ZNF676: variants seen among roughly 807,000 people sequenced by gnomAD.
The protein encoded by ZNF676 is zinc finger protein 676.
In ZNF676, 4 loss-of-function variants were observed where a neutral mutation model predicts 6.0. That is an observed-to-expected ratio of 0.67 (90% confidence interval 0.33 to 1.53). The LOEUF (loss-of-function observed/expected upper bound fraction) is 1.53. Among genes scored for constraint, ZNF676 ranks in the 40% most tolerant of loss-of-function variants. ZNF676 has a pLI of 0.06. For missense variants in ZNF676, 644 were observed against 679.7 expected (o/e 0.95, Z 0.58); for synonymous variants, 198 against 223.1 (o/e 0.89, Z 1.00).
chr19:22,206,310 CA>C (rs1243203149), intron 1 of ZNF676, among the ~76,000 whole-genome samples: 20 of 152,196 alleles, frequency 1.3e-4, no homozygotes, highest in African/African-American at 4.8e-4. Flanking sequence ...ATTCTGATAC[CA>C]AAACCTAACA....
rs149238067 is a variant in ZNF676 at position 22,179,945 on chromosome 19, C to A, written c.*5G>T. ...GCTGAAGGATTTACCACATTCTTCA[C>A]ATTTTTAGGGATTCTCTCCAGTATG... On this transcript the variant is annotated 3_prime_UTR_variant, in exon 3 of 3. Coordinates refer to ENST00000397121, the MANE Select transcript of ZNF676 (RefSeq NM_001001411.3). 3 of 1,611,748 alleles carry A rather than the reference C, an allele frequency of 1.9e-6. No individual in the cohort carries two copies. The highest frequency in any genetic ancestry group is 2.2e-5 in the East Asian group (1 of 44,818).
At chr19:22,225,863 C>A in the ZNF676 span, among the ~76,000 whole-genome samples, 5 of 152,098 alleles carry the variant, frequency 3.3e-5, no homozygotes, top group African/African-American at 1.2e-4. Flanking sequence ...ATGTGATTTG[C>A]AAATATTTTC....
intron 1 of ZNF676, among the ~76,000 whole-genome samples, chr19:22,206,324 G>C (rs1458934484): frequency 6.6e-6 from 1 of 152,112 alleles, no homozygotes; most frequent in African/African-American, 2.4e-5. Context: ...ACCTAACAGA[G>C]ATAAAACAGA....
At chr19:22,247,695 G>C in the ZNF676 span, among the ~76,000 whole-genome samples, 1 of 152,144 alleles carries the variant, frequency 6.6e-6, no homozygotes, top group Non-Finnish European at 1.5e-5. Context: ...TGAGGCAGGA[G>C]AATGTCTTGA....
chr19:22,187,407 A>C (rs930309450), intron 2 of ZNF676, among the ~76,000 whole-genome samples: 2 of 152,216 alleles, frequency 1.3e-5, no homozygotes, highest in Non-Finnish European at 2.9e-5. Context: ...AAATGCCCAC[A>C]AGAGAAAGCA....
At chr19:22,186,501 CATA>C (rs1260322745) in intron 2 of ZNF676, among the ~76,000 whole-genome samples, 3 of 152,130 alleles carry the variant, frequency 2.0e-5, no homozygotes, top group African/African-American at 4.8e-5. Flanking sequence ...CAGCTAGCAT[CATA>C]ATGACAGGAT....
the ZNF676 span, among the ~76,000 whole-genome samples, chr19:22,233,798 A>G: frequency 2.6e-3 from 395 of 152,320 alleles, no homozygotes; most frequent in African/African-American, 8.6e-3. Flanking sequence ...TGACAGGGGT[A>G]GCTGGGGAAA....
At chr19:22,255,585 C>A in the ZNF676 span, among the ~76,000 whole-genome samples, 6 of 152,158 alleles carry the variant, frequency 3.9e-5, no homozygotes, top group African/African-American at 1.4e-4. Flanking sequence ...GTGGCTCACA[C>A]TTGTAATGCC....
the ZNF676 span, among the ~76,000 whole-genome samples, chr19:22,245,504 G>GCC: frequency 7.1e-5 from 10 of 141,218 alleles, no homozygotes; most frequent in African/African-American, 2.6e-4. Context: ...ATGTCACAAT[G>GCC]CCCCCCCCCC....
chr19:22,212,672 T>A (rs1293064483), intron 1 of ZNF676, among the ~76,000 whole-genome samples: 1 of 151,396 alleles, frequency 6.6e-6, no homozygotes, highest in African/African-American at 2.4e-5. Flanking sequence ...ACCACCGCAC[T>A]CCAGCCTGGG....
At chr19:22,257,953 G>A in the ZNF676 span, among the ~76,000 whole-genome samples, 2 of 152,206 alleles carry the variant, frequency 1.3e-5, no homozygotes, top group Non-Finnish European at 2.9e-5. Flanking sequence ...TGACAAGAGA[G>A]TCACATCATG....
the ZNF676 span, among the ~76,000 whole-genome samples, chr19:22,247,504 C>T: frequency 0.046 from 6,900 of 151,552 alleles, 256 homozygotes; most frequent in South Asian, 0.093. Context: ...GCAGAGGTAG[C>T]GGTAAGCCAA....
chr19:22,190,106 G>T (rs2023883390), intron 2 of ZNF676, among the ~76,000 whole-genome samples: 1 of 152,164 alleles, frequency 6.6e-6, no homozygotes, highest in Middle Eastern at 3.4e-3. Flanking sequence ...CAATAGCAAA[G>T]ATTTGGAACC....
At chr19:22,206,890 T>G (rs2024082166) in intron 1 of ZNF676, among the ~76,000 whole-genome samples, 2 of 152,142 alleles carry the variant, frequency 1.3e-5, no homozygotes, top group Non-Finnish European at 2.9e-5. Context: ...TCAATAAAAT[T>G]TAACATTTTT....
intron 1 of ZNF676, among the ~76,000 whole-genome samples, chr19:22,212,529 C>T (rs1599719792): frequency 6.6e-6 from 1 of 151,110 alleles, no homozygotes; most frequent in African/African-American, 2.4e-5. Context: ...ACATGGTGAA[C>T]CCCCATCTCT....
chr19:22,240,264 T>A, the ZNF676 span, among the ~76,000 whole-genome samples: 3 of 152,026 alleles, frequency 2.0e-5, no homozygotes, highest in African/African-American at 7.2e-5. Flanking sequence ...AAGTTACTAT[T>A]TATCTGTTGG....
At chr19:22,236,316 T>C in the ZNF676 span, among the ~76,000 whole-genome samples, 1 of 151,966 alleles carries the variant, frequency 6.6e-6, no homozygotes, top group Non-Finnish European at 1.5e-5. Flanking sequence ...ACAGAGTGAG[T>C]CTTGGGACCC....
chr19:22,240,514 C>A, the ZNF676 span, among the ~76,000 whole-genome samples: 1 of 151,950 alleles, frequency 6.6e-6, no homozygotes, highest in Non-Finnish European at 1.5e-5. Flanking sequence ...GAAGCGTTGG[C>A]TGGGCACAGT....
the ZNF676 span, among the ~76,000 whole-genome samples, chr19:22,229,422 T>C: frequency 0.43 from 65,592 of 151,698 alleles, 15,611 homozygotes; most frequent in African/African-American, 0.64. Context: ...TAGGCAATGC[T>C]ATTCAGGACA....
Sources: allele counts gnomAD v4.1 joint callset (sites outside exome capture counted in the v4.1 genomes callset), GRCh38; gene constraint gnomAD v4.1.1; transcripts MANE v1.5; gene names NCBI Gene and HGNC (gene_info 2026-07-23, HGNC 2026-07-21).